Variants in TMCO6 observed in about 807,000 individuals in gnomAD.
The protein encoded by TMCO6 is transmembrane and coiled-coil domains 6, also known as transmembrane and coiled-coil domain-containing protein 6.
In TMCO6, 47 loss-of-function variants were observed where a neutral mutation model predicts 61.8. That is an observed-to-expected ratio of 0.76 (90% confidence interval 0.60 to 0.97). The LOEUF (loss-of-function observed/expected upper bound fraction) is 0.97, where lower values mean the gene tolerates loss of function less well. TMCO6 is among the 50% of genes least tolerant of loss of function. The pLI is 0.00. For missense variants in TMCO6, 557 were observed against 601.6 expected, an observed-to-expected ratio of 0.93 and a Z score of 0.78; for synonymous variants, 261 against 254.2, an observed-to-expected ratio of 1.03 and a Z score of -0.25.
At chr5:140,598,994 A>AGCCCCCAGGGCTGCCAGCATTTGTT in the TMCO6 span, among the ~76,000 whole-genome samples, 2 of 152,208 alleles carry the variant, frequency 1.3e-5, no homozygotes, top group African/African-American at 4.8e-5. Flanking sequence ...CCCCATTTGT[A>AGCCCCCAGGGCTGCCAGCATTTGTT]GCCCCCAGGG....
In TMCO6 at chr5:140,639,486, T is replaced by A; in HGVS notation, c.-42T>A. The A allele has an allele frequency of 6.5e-7, 1 of 1,538,140 alleles. No homozygotes were observed. The highest frequency in any genetic ancestry group is 8.8e-7 in the Non-Finnish European group (1 of 1,136,920). Reference sequence around the variant, plus strand: ...CCATCTTCTACGCCCCTGGGAGCGTTGTGGCTGCTGTTTCCTTCGGCTTTC... The same window carrying A: ...CCATCTTCTACGCCCCTGGGAGCGTAGTGGCTGCTGTTTCCTTCGGCTTTC... On this transcript the variant is annotated 5_prime_UTR_variant, in exon 1 of 12. Transcript: ENST00000394671.
chr5:140,645,976 G>C (rs1180425990), downstream of TMCO6, among the ~76,000 whole-genome samples: 1 of 151,330 alleles, frequency 6.6e-6, no homozygotes, highest in Non-Finnish European at 1.5e-5. Flanking sequence ...TGTATTGCAT[G>C]GGTCCAGCCT....
chr5:140,632,417 C>G, the TMCO6 span: 1 of 1,614,210 alleles, frequency 6.2e-7, no homozygotes, highest in Non-Finnish European at 8.5e-7. This position sits in a 1 kb window ranked among gnomAD's most constrained non-coding sequence, Gnocchi z 6.2. Context: ...AGGCGCGAAC[C>G]TGTTCGCAGG....
the TMCO6 span, among the ~76,000 whole-genome samples, chr5:140,597,530 A>T: frequency 1.3e-5 from 2 of 152,198 alleles, no homozygotes; most frequent in Non-Finnish European, 2.9e-5. Flanking sequence ...GGTCTCTTTC[A>T]AAGTGTTAGC....
chr5:140,640,242 C>G lies in TMCO6; in HGVS notation c.198+391C>G, dbSNP rs1756931877. ...TGTGCCTTGCAAAGCATAGCATGGT[C>G]TAGCCTCTTCCTAACTCAAATTTTA... On this transcript the variant is annotated intron_variant, in intron 2 of 11. Transcript: ENST00000394671. Among the ~76,000 whole-genome samples, 3 of 152,328 alleles carry G rather than the reference C, an allele frequency of 2.0e-5. No homozygotes were observed. In the South Asian group the frequency reaches 6.2e-4, roughly 32 times the overall value.
the TMCO6 span, among the ~76,000 whole-genome samples, chr5:140,620,270 AT>A: frequency 6.6e-6 from 1 of 152,236 alleles, no homozygotes; most frequent in Non-Finnish European, 1.5e-5. Flanking sequence ...AAAGAAGCCA[AT>A]CTTAAAATAA....
At chr5:140,604,546 T>A in the TMCO6 span, among the ~76,000 whole-genome samples, 1 of 152,024 alleles carries the variant, frequency 6.6e-6, no homozygotes, top group African/African-American at 2.4e-5. Context: ...CTTGATAGTG[T>A]CCTTTGATGC....
At chr5:140,632,629 T>C in the TMCO6 span, 5 of 1,613,800 alleles carry the variant, frequency 3.1e-6, no homozygotes, top group Non-Finnish European at 1.7e-6. The surrounding 1 kb of genome is among the most constrained non-coding windows in gnomAD (Gnocchi z 6.2). Context: ...GTCAGTTCCT[T>C]GAGGCGGGAG....
At chr5:140,626,014 G>C in the TMCO6 span, among the ~76,000 whole-genome samples, 3 of 152,114 alleles carry the variant, frequency 2.0e-5, no homozygotes, top group African/African-American at 7.2e-5. Context: ...ATGATTCCCA[G>C]TTTCCTTCTT....
chr5:140,634,532 C>A (rs3138078), upstream of TMCO6, among the ~76,000 whole-genome samples: 32,764 of 137,310 alleles, frequency 0.24, 3,871 homozygotes, highest in East Asian at 0.3. Flanking sequence ...GTTGCCCAGG[C>A]TGGAGTGCAG....
chr5:140,611,581 A>G, the TMCO6 span, among the ~76,000 whole-genome samples: 2 of 152,340 alleles, frequency 1.3e-5, no homozygotes, highest in East Asian at 1.9e-4. Flanking sequence ...TGTTTGTCCA[A>G]GATGACAGTG....
chr5:140,610,186 T>TAAAAAAAAAA, the TMCO6 span, among the ~76,000 whole-genome samples: 3 of 70,744 alleles, frequency 4.2e-5, no homozygotes, highest in African/African-American at 1.7e-4. Flanking sequence ...CCATTTCTAC[T>TAAAAAAAAAA]AAAAAAAAAA....
chr5:140,627,291 A>G, the TMCO6 span, among the ~76,000 whole-genome samples: 2 of 152,124 alleles, frequency 1.3e-5, no homozygotes, highest in Non-Finnish European at 2.9e-5. Flanking sequence ...ACAGAAGTGC[A>G]GATAAGGTCT....
At chr5:140,647,613 G>T, downstream of TMCO6, 1 of 1,603,698 alleles carries the variant, frequency 6.2e-7, no homozygotes. Context: ...GCCAATTCCA[G>T]GTCTTCAGGC....
At chr5:140,612,148 C>G in the TMCO6 span, among the ~76,000 whole-genome samples, 1 of 152,042 alleles carries the variant, frequency 6.6e-6, no homozygotes, top group Non-Finnish European at 1.5e-5. Flanking sequence ...AAAGGAAGTC[C>G]TACAACCACA....
At position 140,643,886 on chromosome 5, in the gene TMCO6, T is replaced by G. The variant is rs756089203; in HGVS notation, c.1025T>G (p.Leu342Ter). ...QLRDERVVAALFILLQFFFQK... is the reference protein window; with the variant it reads ...QLRDERVVAA Reference sequence around the variant, plus strand: ...AGAGATGAGCGTGTTGTGGCAGCCTTATTTATCCTTCTGCAGTTCTTTTTC... The same window carrying G: ...AGAGATGAGCGTGTTGTGGCAGCCTGATTTATCCTTCTGCAGTTCTTTTTC... Residue 342 changes from leucine to a stop codon, truncating the protein, a stop_gained, in exon 9 of 12, where the codon TTA (leucine) becomes TGA (stop). Transcript: ENST00000394671. LOFTEE classifies it high-confidence loss of function. The G allele has an allele frequency of 4.3e-6, 7 of 1,614,170 alleles. No individual in the cohort carries two copies. The highest frequency in any genetic ancestry group is 1.6e-4 in the Middle Eastern group (1 of 6,062).
At chr5:140,629,154 A>G in the TMCO6 span, among the ~76,000 whole-genome samples, 1 of 152,164 alleles carries the variant, frequency 6.6e-6, no homozygotes, top group Non-Finnish European at 1.5e-5. Context: ...CTGTAATCCC[A>G]GCTACTCAGA....
chr5:140,614,775 T>C, the TMCO6 span, among the ~76,000 whole-genome samples: 2,450 of 151,982 alleles, frequency 0.016, 66 homozygotes, highest in African/African-American at 0.055. Context: ...CCACCACGCC[T>C]GGCTAATTTT....
chr5:140,642,310 C>G lies in TMCO6; in HGVS notation c.499-5C>G. 1 of 1,606,992 alleles carries G rather than the reference C, an allele frequency of 6.2e-7. No individual in the cohort carries two copies. Among genetic ancestry groups the G allele is most frequent in the Non-Finnish European group, 8.5e-7 (1 of 1,176,330 alleles). ...AAGCCCAGTGCTTTTGTTGCCTGTT[C>G]TCAGGAGCTGTGTCTGTATACACTG... On this transcript the variant is annotated splice_polypyrimidine_tract_variant and splice_region_variant and intron_variant, in intron 4 of 11. Coordinates refer to ENST00000394671, the MANE Select transcript of TMCO6 (RefSeq NM_018502.5).
Sources: gnomAD v4.1 joint callset for allele counts (sites outside exome capture counted in the v4.1 genomes callset) on GRCh38, gnomAD v4.1.1 for gene constraint, Gnocchi (gnomAD v3.1) non-coding constraint, MANE v1.5 for transcripts, NCBI Gene and HGNC (gene_info 2026-07-23, HGNC 2026-07-21) for gene names.